Variants in PNPLA6 observed in about 807,000 individuals in gnomAD.
PNPLA6 encodes the protein patatin-like phospholipase domain-containing protein 6.
A neutral mutation model predicts 153.7 loss-of-function variants in PNPLA6; 105 were observed. That is an observed-to-expected ratio of 0.68 (90% CI 0.58 to 0.80). The LOEUF is 0.80. Ranked by LOEUF, PNPLA6 falls within the 30% of genes least tolerant of loss-of-function variation. PNPLA6 has a pLI of 0.00. For synonymous variants in PNPLA6, 825 were observed against 822.2 expected (o/e 1.00, Z -0.06); for missense variants, 1,423 against 1,919.3 (o/e 0.74, Z 4.83).
chr19:7,541,337 C>T lies in PNPLA6; in HGVS notation c.925-17C>T, dbSNP rs1387515295. On this transcript the variant is annotated splice_polypyrimidine_tract_variant and intron_variant, in intron 7 of 31. Transcript: ENST00000600737. This position sits in a 1 kb window ranked among gnomAD's most constrained non-coding sequence, Gnocchi z 5.2. Reference sequence around the variant, plus strand: ...TACCCCGCCCCATCTTATGGCCACGCCCCTCGAGCCCTGCAGATCATCATG... The same window carrying T: ...TACCCCGCCCCATCTTATGGCCACGTCCCTCGAGCCCTGCAGATCATCATG... 2 of 1,610,920 alleles carry T rather than the reference C, an allele frequency of 1.2e-6. No individual in the cohort carries two copies. Among genetic ancestry groups the T allele is most frequent in the East Asian group, 2.2e-5 (1 of 44,852 alleles).
At chr19:7,551,866 G>A (rs2023668556) in intron 18 of PNPLA6, among the ~76,000 whole-genome samples, 1 of 152,112 alleles carries the variant, frequency 6.6e-6, no homozygotes, top group Non-Finnish European at 1.5e-5. Flanking sequence ...TTGGGAGGCT[G>A]AGGCAGGAGG....
chr19:7,555,675 G>T lies in PNPLA6; in HGVS notation c.3005G>T (p.Gly1002Val). 6.2e-7 allele frequency: 1 copy of T among 1,613,398 alleles called. No individual in the cohort carries two copies. The highest frequency in any genetic ancestry group is 8.5e-7 in the Non-Finnish European group (1 of 1,179,776). The change falls in exon 24 of 32, where the codon GGC becomes GTC. Residue 1002 changes from glycine (G) to valine (V), a missense_variant. This residue lies in a region of PNPLA6 where 643 missense variants were observed against 835.2 expected (regional missense o/e 0.77). Coordinates refer to ENST00000600737, the MANE Select transcript of PNPLA6 (RefSeq NM_001166114.2). This position sits in a 1 kb window ranked among gnomAD's most constrained non-coding sequence, Gnocchi z 6.3. Reference protein sequence around the residue: ...EAGVPVDLVGGTSIGSFIGAL... With the variant: ...EAGVPVDLVGVTSIGSFIGAL... ...GGGGTCCCCGTGGACCTGGTGGGCG[G>T]CACGTCCATTGGCTCTTTCATCGGA...
chr19:7,534,335 ACT>A (rs1307223343), upstream of PNPLA6: 5 of 201,322 alleles, frequency 2.5e-5, no homozygotes, highest in Admixed American at 2.7e-4. Context: ...ATTCCTGTTA[ACT>A]CTAGACTTTC....
In PNPLA6 at chr19:7,535,986, C is replaced by T. The variant is rs753632897; in HGVS notation, c.198C>T (p.Leu66=). Residue 66 remains leucine (L), a synonymous_variant, in exon 1 of 32, where the codon CTC becomes CTT. Transcript: ENST00000600737. The surrounding 1 kb of genome is among the most constrained non-coding windows in gnomAD (Gnocchi z 5.0). ...AGVAVVVTAV[L]ILLVVRRLRV... is the part of the protein sequence containing the mutation. ...TGGCGGTGGTGGTCACGGCCGTGCTCATCCTCCTGGTGGTGCGGAGGCTGC... is the reference window on the plus strand; with the variant it reads ...TGGCGGTGGTGGTCACGGCCGTGCTTATCCTCCTGGTGGTGCGGAGGCTGC... The T allele has an allele frequency of 1.0e-5, 16 of 1,581,210 alleles. No homozygotes were observed. Among genetic ancestry groups the T allele is most frequent in the Non-Finnish European group, 1.4e-5 (16 of 1,165,284 alleles).
upstream of PNPLA6, chr19:7,535,614 TG>T: frequency 1.3e-6 from 2 of 1,591,702 alleles, no homozygotes; most frequent in African/African-American, 1.3e-5. This position sits in a 1 kb window ranked among gnomAD's most constrained non-coding sequence, Gnocchi z 5.0. Flanking sequence ...GGTGCCGGCG[TG>T]GGGCGCCAAG....
Position 7,550,299 on chromosome 19 carries a change from A to G in PNPLA6, c.1816A>G (p.Ile606Val), listed in dbSNP as rs748824120. Residue 606 changes from isoleucine to valine, a missense_variant and splice_region_variant, in exon 15 of 32, where the codon ATC becomes GTC. By Grantham distance (29) the Ile-to-Val change is conservative (BLOSUM62 3). Around this residue, in one of 10 missense-constraint regions of PNPLA6, gnomAD observed 119 missense variants for 163.7 expected, o/e 0.73. Coordinates refer to ENST00000600737, the MANE Select transcript of PNPLA6 (RefSeq NM_001166114.2). ...LRISKSDFYE[I>V]MRAQPSVVLS... ...TTCATCCCAAGTCTGTTCCTGCAGGATCATGCGCGCACAGCCCAGTGTGGT... is the reference window on the plus strand; with the variant it reads ...TTCATCCCAAGTCTGTTCCTGCAGGGTCATGCGCGCACAGCCCAGTGTGGT... 2 of 1,612,910 alleles carry G rather than the reference A, an allele frequency of 1.2e-6. No homozygotes were observed. The highest frequency in any genetic ancestry group is 1.7e-6 in the Non-Finnish European group (2 of 1,180,042).
At chr19:7,543,921 C>T (rs2023271286) in intron 13 of PNPLA6, among the ~76,000 whole-genome samples, 1 of 151,314 alleles carries the variant, frequency 6.6e-6, no homozygotes, top group Admixed American at 6.6e-5. Context: ...TCACGCCATT[C>T]TCCTGCCTCA....
rs780873631 is a variant in PNPLA6 at position 7,555,088 on chromosome 19, C to A, written c.2817+13C>A. ...CCCTGCCAAGCTGGTGAGGAGCGGG[C>A]CGGCCCCCACCTTCTAGGGGCGTGG... On this transcript the variant is annotated intron_variant, in intron 22 of 31. Transcript: ENST00000600737. This position sits in a 1 kb window ranked among gnomAD's most constrained non-coding sequence, Gnocchi z 6.3. 3 of 1,590,982 alleles carry A rather than the reference C, an allele frequency of 1.9e-6. No individual in the cohort carries two copies. Among genetic ancestry groups the A allele is most frequent in the Non-Finnish European group, 2.5e-6 (3 of 1,176,784 alleles).
At chr19:7,537,891 C>T (rs2022951030) in intron 3 of PNPLA6, among the ~76,000 whole-genome samples, 3 of 152,242 alleles carry the variant, frequency 2.0e-5, no homozygotes, top group African/African-American at 7.2e-5. Flanking sequence ...CCGTCCGCCT[C>T]GGCCTCCTAA....
rs112783868 is a variant in PNPLA6, at chr19:7,551,980, G to T, written c.2260+543G>T. 7.4e-3 allele frequency among the ~76,000 whole-genome samples: 1,132 copies of T among 152,234 alleles called. 13 individuals carry two copies. The highest frequency in any genetic ancestry group is 0.013 in the Non-Finnish European group (870 of 68,010). On this transcript the variant is annotated intron_variant, in intron 18 of 31. Coordinates refer to ENST00000600737, the MANE Select transcript of PNPLA6 (RefSeq NM_001166114.2). The stretch of plus-strand genomic sequence containing the variant: ...ACATTAGCTGGGCTTGGTGACACAT[G>T]CCTGTAGTCTCAGCCACTCAGGAGG...
At chr19:7,536,398 TCTC>T (rs1424111192) in intron 2 of PNPLA6, 48 bp from the exon 3 acceptor site, 2 of 1,457,892 alleles carry the variant, frequency 1.4e-6, no homozygotes, top group Non-Finnish European at 1.9e-6. Context: ...GTCTGCCTCT[TCTC>T]CAAGGTCTGA....
At chr19:7,536,910 G>C (rs1221008861) in intron 3 of PNPLA6, among the ~76,000 whole-genome samples, 16 of 118,122 alleles carry the variant, frequency 1.4e-4, no homozygotes, top group Non-Finnish European at 2.3e-4. Flanking sequence ...CTGGGCAATA[G>C]AGTGAGACTC....
rs1314885033 is a variant in PNPLA6 at position 7,540,811 on chromosome 19, G to C, written c.795+101G>C. ...AGGGTCCCCAATCTCTGGTTCATCC[G>C]TTATGCTGCCGATGGCCCCTCACGG... On this transcript the variant is annotated intron_variant, in intron 6 of 31. Coordinates refer to ENST00000600737, the MANE Select transcript of PNPLA6 (RefSeq NM_001166114.2). The surrounding 1 kb of genome is among the most constrained non-coding windows in gnomAD (Gnocchi z 6.8). 6.4e-7 allele frequency: 1 copy of C among 1,564,700 alleles called. No individual in the cohort carries two copies. Among genetic ancestry groups the C allele is most frequent in the Admixed American group, 1.7e-5 (1 of 59,876 alleles).
At position 7,560,756 on chromosome 19, in the gene PNPLA6, C is replaced by T. The variant is rs141192340; in HGVS notation, c.3808C>T (p.Arg1270Cys). ...GTCTACAGACCTTAATGAGAGCCGC[C>T]GTGCAGACGTAAGCCTGTGATGCCC... is the stretch of plus-strand genomic sequence containing the variant. The part of the protein sequence containing the change: ...RRSTDLNESR[R>C]ADVLAFPSSG... The change falls in exon 29 of 32, where the codon CGT becomes TGT. Residue 1270 changes from arginine to cysteine, a missense_variant. Arg to Cys is a radical substitution (Grantham distance 180). This residue lies in a region of PNPLA6 where 643 missense variants were observed against 835.2 expected (regional missense o/e 0.77). Coordinates refer to ENST00000600737, the MANE Select transcript of PNPLA6 (RefSeq NM_001166114.2). 16 of 1,600,686 alleles carry T rather than the reference C, an allele frequency of 1.0e-5. No individual in the cohort carries two copies. Among genetic ancestry groups the T allele is most frequent in the African/African-American group, 1.3e-5 (1 of 74,628 alleles).
chr19:7,554,781 G>T, intron 21 of PNPLA6, 58 bp downstream of exon 21: 2 of 1,597,902 alleles, frequency 1.3e-6, no homozygotes, highest in South Asian at 1.1e-5. Context: ...TTGCCCTCCC[G>T]TGCCTGCACC....
Position 7,561,301 on chromosome 19 carries a change from G to T in PNPLA6, c.4007G>T (p.Ser1336Ile), listed in dbSNP as rs746192300. 1.2e-6 allele frequency: 2 copies of T among 1,605,946 alleles called. No homozygotes were observed. Among genetic ancestry groups the T allele is most frequent in the Non-Finnish European group, 1.7e-6 (2 of 1,177,066 alleles). Residue 1336 changes from serine (S) to isoleucine (I), a missense_variant, in exon 31 of 32, where the codon AGC (serine) becomes ATC (isoleucine). Transcript: ENST00000600737. Reference sequence around the variant, plus strand: ...GGGTCCCCCGAGGGCGCAAGCCCCAGCACTGCCTCCGAGATGGTGAGAGTG... The same window carrying T: ...GGGTCCCCCGAGGGCGCAAGCCCCATCACTGCCTCCGAGATGGTGAGAGTG... Reference protein sequence around the residue: ...EGGSPEGASPSTASEMEEEKS... With the variant: ...EGGSPEGASPITASEMEEEKS...
chr19:7,536,284 G>A lies in PNPLA6; in HGVS notation c.315+11G>A, dbSNP rs777778764. The A allele has an allele frequency of 6.2e-7, 1 of 1,605,714 alleles. No individual in the cohort carries two copies. Among genetic ancestry groups the A allele is most frequent in the South Asian group, 1.1e-5 (1 of 90,920 alleles). Reference sequence around the variant, plus strand: ...AAGATTATGCGGAAGGTGAGTCCGGGACCCCTGGGGTCCGCCCTGACCACA... The same window carrying A: ...AAGATTATGCGGAAGGTGAGTCCGGAACCCCTGGGGTCCGCCCTGACCACA... On this transcript the variant is annotated intron_variant, in intron 2 of 31. Transcript: ENST00000600737.
rs771380791 is a variant in PNPLA6, at chr19:7,540,761, A to G, written c.795+51A>G. ...GGGGCTGGGGTGCAAGGTCCCACCCAAGGGACTAGGTTGAAGGAAATCACA... is the reference window on the plus strand; with the variant it reads ...GGGGCTGGGGTGCAAGGTCCCACCCGAGGGACTAGGTTGAAGGAAATCACA... On this transcript the variant is annotated intron_variant, in intron 6 of 31. Coordinates refer to ENST00000600737, the MANE Select transcript of PNPLA6 (RefSeq NM_001166114.2). The surrounding 1 kb of genome is among the most constrained non-coding windows in gnomAD (Gnocchi z 6.8). 6 of 1,547,626 alleles carry G rather than the reference A, an allele frequency of 3.9e-6. No homozygotes were observed. The highest frequency in any genetic ancestry group is 1.4e-5 in the African/African-American group (1 of 73,678).
rs1468151743 is a variant in PNPLA6 at position 7,536,602 on chromosome 19, G to A, written c.413+56G>A. 7.4e-5 allele frequency: 84 copies of A among 1,137,168 alleles called. 1 individual carries two copies. Among genetic ancestry groups the A allele is most frequent in the Non-Finnish European group, 2.5e-5 (19 of 749,778 alleles). The allele number at this position is 1,137,168 out of a possible 1,614,324, so 70.4% of individuals were successfully genotyped here. A position where few individuals can be genotyped will look rare whatever the true frequency, so the allele number is the denominator to read the frequency against. Reference sequence around the variant, plus strand: ...AGGGGTTATCTCAGGGGCCTTTTGAGTAATCAGCTTACACCAAAGTGTTGT... The same window carrying A: ...AGGGGTTATCTCAGGGGCCTTTTGAATAATCAGCTTACACCAAAGTGTTGT... On this transcript the variant is annotated intron_variant, in intron 3 of 31. Transcript: ENST00000600737.
Sources: gnomAD v4.1 joint callset for allele counts (sites outside exome capture counted in the v4.1 genomes callset) on GRCh38, gnomAD v4.1.1 for gene constraint, gnomAD v4.1.1 regional missense constraint, Gnocchi (gnomAD v3.1) non-coding constraint, MANE v1.5 for transcripts, NCBI Gene and HGNC (gene_info 2026-07-23, HGNC 2026-07-21) for gene names.